The following UGT1A3 variants were observed in gnomAD, a reference collection of about 807,000 sequenced individuals.
UGT1A3 encodes the protein UDP-glucuronosyltransferase 1A3.
A neutral mutation model predicts 41.0 loss-of-function variants in UGT1A3; 31 were observed. The ratio of observed to expected loss-of-function variants is 0.76; its 90% confidence interval spans 0.57 to 1.02. The LOEUF is 1.02. Ranked by LOEUF, UGT1A3 falls within the 50% of genes least tolerant of loss-of-function variation. The probability of loss-of-function intolerance (pLI) is 0.00; values close to 1 mark genes in which losing one functional copy is unlikely to be tolerated. For synonymous variants in UGT1A3, 262 were observed against 257.6 expected (o/e 1.02, Z -0.17); for missense variants, 737 against 671.0 (o/e 1.10, Z -1.09).
intron 1 of UGT1A3, among the ~76,000 whole-genome samples, chr2:233,733,802 G>A (rs2078438664): frequency 6.6e-6 from 1 of 152,152 alleles, no homozygotes; most frequent in African/African-American, 2.4e-5. Flanking sequence ...TTTGGTATCA[G>A]GATGATGCTG....
chr2:233,743,520 G>A (rs759007678), intron 1 of UGT1A3: 1 of 1,367,248 alleles, frequency 7.3e-7, no homozygotes, highest in Non-Finnish European at 9.8e-7. Flanking sequence ...CTCTGCTTCT[G>A]CTTCCCCAGC....
intron 1 of UGT1A3, chr2:233,747,238 C>T (rs1693595349): frequency 1.8e-5 from 29 of 1,603,598 alleles, no homozygotes; most frequent in Non-Finnish European, 2.5e-5. Flanking sequence ...CCAGGTTCCC[C>T]TGCTGTGGCT....
chr2:233,739,944 C>T (rs937638963), intron 1 of UGT1A3, among the ~76,000 whole-genome samples: 6 of 151,864 alleles, frequency 4.0e-5, no homozygotes, highest in Admixed American at 3.3e-4. Flanking sequence ...AGGTTGGTAC[C>T]TGGTGGGAGC....
intron 1 of UGT1A3, among the ~76,000 whole-genome samples, chr2:233,740,002 A>AAGTG (rs1284523350): frequency 6.6e-6 from 1 of 151,788 alleles, no homozygotes; most frequent in Admixed American, 6.5e-5. Context: ...TTGTCATACT[A>AAGTG]AGTGAGTTCT....
At chr2:233,747,473 T>A in intron 1 of UGT1A3, 2 of 1,608,772 alleles carry the variant, frequency 1.2e-6, no homozygotes, top group South Asian at 2.2e-5. Context: ...GGACCCAGGA[T>A]GAATTTGATC....
intron 1 of UGT1A3, among the ~76,000 whole-genome samples, chr2:233,736,379 C>T (rs2078756345): frequency 6.6e-6 from 1 of 152,164 alleles, no homozygotes; most frequent in African/African-American, 2.4e-5. Context: ...TTAAGGTCTT[C>T]TCTACAGTGT....
At chr2:233,730,753 G>T (rs115158591) in intron 1 of UGT1A3, among the ~76,000 whole-genome samples, 5 of 152,244 alleles carry the variant, frequency 3.3e-5, no homozygotes, top group African/African-American at 1.2e-4. Flanking sequence ...GAGGAGATAA[G>T]ACTGTGAATC....
At chr2:233,757,644 C>A (rs1202656622) in intron 1 of UGT1A3, among the ~76,000 whole-genome samples, 2 of 149,758 alleles carry the variant, frequency 1.3e-5, no homozygotes, top group African/African-American at 4.9e-5. Flanking sequence ...GAACAAAATG[C>A]TGTTTTTCTG....
chr2:233,750,098 G>A (rs1449295750), intron 1 of UGT1A3, among the ~76,000 whole-genome samples: 1 of 151,902 alleles, frequency 6.6e-6, no homozygotes, highest in Non-Finnish European at 1.5e-5. Context: ...AGTTTGGAGA[G>A]CTCAGAAGAA....
chr2:233,760,923 C>G, intron 1 of UGT1A3: 1 of 1,614,214 alleles, frequency 6.2e-7, no homozygotes, highest in Non-Finnish European at 8.5e-7. Flanking sequence ...GGGTGAAGAA[C>G]ATGCTCATTG....
In UGT1A3 at chr2:233,755,028, C is replaced by T; in HGVS notation, c.868-12006C>T. 4 of 1,311,690 alleles carry T rather than the reference C, an allele frequency of 3.0e-6. 1 individual carries two copies. In the South Asian group the frequency reaches 4.6e-5, roughly 15 times the overall value. 81.3% of individuals were successfully genotyped at this position (1,311,690 alleles called of 1,614,324 possible). On this transcript the variant is annotated intron_variant, in intron 1 of 4. Transcript: ENST00000482026. ...CTACTCGAAGGGGTCCTTGAAGGGC[C>T]TGCCGCCTGCGCAGCCGCCCTCCGC...
Position 233,729,260 on chromosome 2 carries a change from G to T in UGT1A3, c.134G>T (p.Arg45Leu), listed in dbSNP as rs774974731. The change falls in exon 1 of 5, where the codon CGG (arginine) becomes CTG (leucine). Residue 45 changes from arginine to leucine, a missense_variant. Physicochemically the swap from Arg to Leu is moderately radical, Grantham distance 102 (BLOSUM62 -2). Coordinates refer to ENST00000482026, the MANE Select transcript of UGT1A3 (RefSeq NM_019093.4). ...GATGGCAGCCACTGGCTCAGCATGC[G>T]GGAGGTCTTGCGGGAGCTCCATGCC... ...PIDGSHWLSM[R>L]EVLRELHARG... is the part of the protein sequence containing the mutation. 2 of 1,614,092 alleles carry T rather than the reference G, an allele frequency of 1.2e-6. No homozygotes were observed. The highest frequency in any genetic ancestry group is 2.2e-5 in the East Asian group (1 of 44,884).
intron 1 of UGT1A3, among the ~76,000 whole-genome samples, chr2:233,744,276 T>C (rs1409934425): frequency 2.0e-5 from 3 of 151,780 alleles, no homozygotes; most frequent in South Asian, 2.1e-4. Context: ...AAGTAGGCTT[T>C]ATATCAGTCT....
chr2:233,730,949 G>A (rs1036759717), intron 1 of UGT1A3, among the ~76,000 whole-genome samples: 16 of 152,150 alleles, frequency 1.1e-4, no homozygotes, highest in African/African-American at 1.4e-4. Flanking sequence ...TTTGGGTTTC[G>A]TTGAAATGGT....
intron 1 of UGT1A3, among the ~76,000 whole-genome samples, chr2:233,736,572 C>T (rs1006388510): frequency 1.3e-5 from 2 of 152,202 alleles, no homozygotes; most frequent in Non-Finnish European, 2.9e-5. Flanking sequence ...GAGCTGTGAT[C>T]CTTTGGAGGA....
intron 1 of UGT1A3, chr2:233,755,206 C>T (rs1478561208): frequency 9.3e-7 from 1 of 1,072,996 alleles, no homozygotes; most frequent in Non-Finnish European, 1.3e-6. Flanking sequence ...TTGCGGTACG[C>T]CTTCTTGATA....
At chr2:233,748,943 C>G (rs1694067259) in intron 1 of UGT1A3, among the ~76,000 whole-genome samples, 1 of 151,688 alleles carries the variant, frequency 6.6e-6, no homozygotes, top group Admixed American at 6.6e-5. Flanking sequence ...CAAACCCACC[C>G]TATCCCACTC....
At chr2:233,739,373 G>T (rs1209050153) in intron 1 of UGT1A3, among the ~76,000 whole-genome samples, 1 of 152,200 alleles carries the variant, frequency 6.6e-6, no homozygotes, top group Non-Finnish European at 1.5e-5. Flanking sequence ...CTTGCACTGT[G>T]TGCCTGGAAG....
intron 1 of UGT1A3, among the ~76,000 whole-genome samples, chr2:233,765,317 T>G (rs984736516): frequency 1.3e-5 from 2 of 152,240 alleles, no homozygotes; most frequent in Non-Finnish European, 2.9e-5. Flanking sequence ...ATTTGTTTAT[T>G]GCAGCACTAT....
Sources: gnomAD v4.1 joint callset for allele counts (sites outside exome capture counted in the v4.1 genomes callset) on GRCh38, gnomAD v4.1.1 for gene constraint, MANE v1.5 for transcripts, NCBI Gene and HGNC (gene_info 2026-07-23, HGNC 2026-07-21) for gene names.